LEPROTL1: variants seen among roughly 807,000 people sequenced by gnomAD.
LEPROTL1 encodes the protein leptin receptor overlapping transcript like 1, also known as leptin receptor overlapping transcript-like 1.
In LEPROTL1, 6 loss-of-function variants were observed where a neutral mutation model predicts 15.4. The ratio of observed to expected loss-of-function variants is 0.39; its 90% CI spans 0.21 to 0.77. The LOEUF is 0.77. Ranked by LOEUF, LEPROTL1 falls within the 30% of genes least tolerant of loss-of-function variation. The pLI is 0.41. For missense variants in LEPROTL1, 128 were observed against 158.1 expected, an observed-to-expected ratio of 0.81 and a Z score of 1.02; for synonymous variants, 56 against 52.6, an observed-to-expected ratio of 1.06 and a Z score of -0.28.
At chr8:30,138,144 C>T (rs1379403441), downstream of LEPROTL1, 1 of 169,954 alleles carries the variant, frequency 5.9e-6, no homozygotes, top group African/African-American at 2.4e-5. Flanking sequence ...CTTAAAAACT[C>T]AGATCCCCAA....
At chr8:30,132,536 C>T (rs1803046108) in intron 4 of LEPROTL1, 6 of 1,551,728 alleles carry the variant, frequency 3.9e-6, no homozygotes, top group Non-Finnish European at 5.2e-6. Context: ...TAGATGCACT[C>T]GAATTGCTGG....
At chr8:30,132,083 T>A in intron 3 of LEPROTL1, 1 of 1,551,716 alleles carries the variant, frequency 6.4e-7, no homozygotes, top group Non-Finnish European at 8.7e-7. Flanking sequence ...ATGTAGGCAA[T>A]GATCAACTGG....
intron 1 of LEPROTL1, among the ~76,000 whole-genome samples, chr8:30,100,481 G>T (rs1802447712): frequency 6.6e-6 from 1 of 152,034 alleles, no homozygotes; most frequent in South Asian, 2.1e-4. Context: ...ATGGAGTCTT[G>T]CTCTGTCGCA....
At chr8:30,096,616 CTA>C (rs1163248724) in intron 1 of LEPROTL1, among the ~76,000 whole-genome samples, 1 of 152,168 alleles carries the variant, frequency 6.6e-6, no homozygotes, top group African/African-American at 2.4e-5. Context: ...ATGATAGACT[CTA>C]AACCCTTATG....
intron 3 of LEPROTL1, among the ~76,000 whole-genome samples, chr8:30,127,100 T>C (rs1802915786): frequency 6.6e-6 from 1 of 152,026 alleles, no homozygotes; most frequent in African/African-American, 2.4e-5. Flanking sequence ...CTCATGACAC[T>C]TCCTAGGTGA....
Position 30,104,442 on chromosome 8 carries a change from G to C in LEPROTL1, c.235G>C (p.Val79Leu). The change falls in exon 3 of 4, where the codon GTG (valine) becomes CTG (leucine). Residue 79 changes from valine (V) to leucine (L), a missense_variant. Transcript: ENST00000321250. ...LAIFLTTGIV[V>L]SAFGLPIVFA... ...CATCTTTCTTACAACGGGCATTGTCGTGTCAGCTTTTGGACTCCCTATTGT... is the reference window on the plus strand; with the variant it reads ...CATCTTTCTTACAACGGGCATTGTCCTGTCAGCTTTTGGACTCCCTATTGT... 1.9e-6 allele frequency: 3 copies of C among 1,611,878 alleles called. No homozygotes were observed. Among genetic ancestry groups the C allele is most frequent in the Non-Finnish European group, 2.5e-6 (3 of 1,179,076 alleles).
downstream of LEPROTL1, among the ~76,000 whole-genome samples, chr8:30,110,664 G>A (rs1001819088): frequency 1.3e-5 from 2 of 152,016 alleles, no homozygotes; most frequent in Non-Finnish European, 2.9e-5. Flanking sequence ...AACCCAGGAG[G>A]CAGAGGTTGC....
intron 3 of LEPROTL1, among the ~76,000 whole-genome samples, chr8:30,114,642 A>G (rs1361263032): frequency 6.6e-6 from 1 of 152,148 alleles, no homozygotes; most frequent in Non-Finnish European, 1.5e-5. Context: ...CATTGTGGAC[A>G]TTTATTCGAG....
intron 3 of LEPROTL1, among the ~76,000 whole-genome samples, chr8:30,128,514 G>T (rs1056629486): frequency 2.0e-5 from 3 of 152,134 alleles, no homozygotes; most frequent in Non-Finnish European, 4.4e-5. Context: ...ATTTTGGAAG[G>T]CCAAGGAGGT....
intron 4 of LEPROTL1, among the ~76,000 whole-genome samples, chr8:30,134,688 C>T (rs1803101401): frequency 6.6e-6 from 1 of 151,392 alleles, no homozygotes; most frequent in Admixed American, 6.6e-5. Context: ...GCTGGAATTA[C>T]AGGTGCACGC....
At chr8:30,137,134 C>A in intron 4 of LEPROTL1, 1 of 701,396 alleles carries the variant, frequency 1.4e-6, no homozygotes, top group South Asian at 1.8e-5. Flanking sequence ...ACCCTGAAGC[C>A]AATTGTGATC....
chr8:30,115,705 A>C (rs1802730931), intron 3 of LEPROTL1, among the ~76,000 whole-genome samples: 1 of 152,080 alleles, frequency 6.6e-6, no homozygotes, highest in Non-Finnish European at 1.5e-5. Context: ...AAAAACCTGT[A>C]AGTGGCAAAT....
rs1803033892 is a variant in LEPROTL1, at chr8:30,132,228, A to G, written c.280-147A>G. ...AAACGAAACCAAACACCTGTCCTGG[A>G]TGGAGTCCATGCCACCAGGCAGAGA... is the stretch of plus-strand genomic sequence containing the variant. On this transcript the variant is annotated intron_variant, in intron 3 of 4. Coordinates refer to the LEPROTL1 transcript ENST00000442880. 6 of 1,551,750 alleles carry G rather than the reference A, an allele frequency of 3.9e-6. No homozygotes were observed. In the South Asian group the frequency reaches 5.9e-5, roughly 15 times the overall value.
rs771127440 is a variant in LEPROTL1, at chr8:30,104,264, A to T, written c.93-36A>T. 4.0e-5 allele frequency: 52 copies of T among 1,314,750 alleles called. No homozygotes were observed. The African/African-American group carries it at 7.2e-4, about 18-fold the overall frequency. 81.4% of individuals were successfully genotyped at this position (1,314,750 alleles called of 1,614,324 possible). A position where few individuals can be genotyped will look rare whatever the true frequency, so the allele number is the denominator to read the frequency against. ...TATTTTGTGTGTAGGAAAATGACAT[A>T]GCAAAAATTACATTAACTTATTTTT... On this transcript the variant is annotated intron_variant, in intron 2 of 3. Coordinates refer to ENST00000321250, the MANE Select transcript of LEPROTL1 (RefSeq NM_015344.3).
chr8:30,106,423 G>A lies in LEPROTL1; in HGVS notation c.*561G>A, dbSNP rs1190269039. On this transcript the variant is annotated 3_prime_UTR_variant, in exon 4 of 4. Coordinates refer to ENST00000321250, the MANE Select transcript of LEPROTL1 (RefSeq NM_015344.3). ...AATATAGCTGCATTTATACCTCAGA[G>A]GGGCCAAGTGTTAATGCCCATGCCC... 3 of 985,636 alleles carry A rather than the reference G, an allele frequency of 3.0e-6. No homozygotes were observed. The highest frequency in any genetic ancestry group is 3.6e-6 in the Non-Finnish European group (3 of 829,876). 61.1% of individuals were successfully genotyped at this position (985,636 alleles called of 1,614,324 possible).
chr8:30,135,951 C>T (rs1163143758), intron 4 of LEPROTL1, among the ~76,000 whole-genome samples: 1 of 150,042 alleles, frequency 6.7e-6, no homozygotes, highest in Non-Finnish European at 1.5e-5. Context: ...TACAATGACA[C>T]ACTCTACAGT....
intron 3 of LEPROTL1, among the ~76,000 whole-genome samples, chr8:30,120,479 A>G (rs13280147): frequency 3.2e-5 from 1 of 30,888 alleles, no homozygotes; most frequent in Non-Finnish European, 1.6e-4. Context: ...ATATATATGT[A>G]TATATTTTTT....
intron 3 of LEPROTL1, among the ~76,000 whole-genome samples, chr8:30,122,977 T>G (rs1210216945): frequency 6.6e-6 from 1 of 152,180 alleles, no homozygotes; most frequent in Non-Finnish European, 1.5e-5. Flanking sequence ...GTCTTAACAG[T>G]ACGTGTTTGT....
intron 1 of LEPROTL1, 122 bp from the exon 2 acceptor site, chr8:30,101,776 C>A: frequency 1.8e-6 from 1 of 546,524 alleles, no homozygotes; most frequent in Non-Finnish European, 3.2e-6. Context: ...CTGATGGCAA[C>A]TTGCTATTAA....
Sources: allele counts gnomAD v4.1 joint callset (sites outside exome capture counted in the v4.1 genomes callset), GRCh38; gene constraint gnomAD v4.1.1; transcripts MANE v1.5; gene names NCBI Gene and HGNC (gene_info 2026-07-23, HGNC 2026-07-21).